XKR5: variants seen among roughly 807,000 people sequenced by gnomAD.
The protein encoded by XKR5 is XK-related protein 5.
In XKR5, 46 loss-of-function variants were observed where a neutral mutation model predicts 40.8. The ratio of observed to expected loss-of-function variants is 1.13; its 90% CI spans 0.89 to 1.44. The LOEUF (loss-of-function observed/expected upper bound fraction) is 1.44. XKR5 is among the 40% of genes most tolerant of loss of function. The pLI, the probability that XKR5 is intolerant of heterozygous loss-of-function variation, is 0.00. For missense variants in XKR5, 1,169 were observed against 844.7 expected (o/e 1.38, Z -4.76); for synonymous variants, 466 against 356.1 (o/e 1.31, Z -3.48).
chr8:6,825,208 C>G lies in XKR5; in HGVS notation c.384G>C (p.Gln128His). The change falls in exon 3 of 7, where the codon CAG (glutamine) becomes CAC (histidine). Residue 128 changes from glutamine to histidine, a missense_variant. Transcript: ENST00000618742. ...LLQTGPHLLL[Q>H]TYVFLASDFT... ...AGTCTGAGGCTAGAAAAACATATGT[C>G]TGAAGCAGCAGGTGGGGCCCAGTCT... is the stretch of plus-strand genomic sequence containing the variant. 1.9e-6 allele frequency: 3 copies of G among 1,613,388 alleles called. No homozygotes were observed. The highest frequency in any genetic ancestry group is 2.5e-6 in the Non-Finnish European group (3 of 1,179,676).
chr8:6,818,176 T>C (rs572125974), intron 5 of XKR5, among the ~76,000 whole-genome samples: 1 of 152,216 alleles, frequency 6.6e-6, no homozygotes. Context: ...CTGTGCGCAC[T>C]CACTTTCCTG....
chr8:6,828,021 A>C (rs566486639), intron 2 of XKR5, among the ~76,000 whole-genome samples: 1 of 152,264 alleles, frequency 6.6e-6, no homozygotes, highest in African/African-American at 2.4e-5. Flanking sequence ...GTGAGCCATA[A>C]TTATGCCACT....
At chr8:6,832,411 A>G (rs1397851349) in intron 2 of XKR5, among the ~76,000 whole-genome samples, 2 of 152,218 alleles carry the variant, frequency 1.3e-5, no homozygotes, top group African/African-American at 2.4e-5. Flanking sequence ...GTTGCTTTAT[A>G]TGGAACTAAC....
intron 4 of XKR5, 86 bp downstream of exon 4, chr8:6,823,435 G>A (rs1804326573): frequency 7.1e-7 from 1 of 1,402,634 alleles, no homozygotes; most frequent in African/African-American, 1.4e-5. Flanking sequence ...TGGGATTGAG[G>A]ATCATATGTG....
rs747973846 is a variant in XKR5, at chr8:6,821,860, G to C, written c.807+9C>G. 8.1e-6 allele frequency: 13 copies of C among 1,611,686 alleles called. No individual in the cohort carries two copies. In the East Asian group the frequency reaches 2.9e-4, roughly 36 times the overall value. On this transcript the variant is annotated intron_variant, in intron 5 of 6. Transcript: ENST00000618742. ...TGTAAAAGTTAGGATAAAGAAAAGT[G>C]CCACTTGCCATGTAGAACGTGACCA... is the stretch of plus-strand genomic sequence containing the variant.
In XKR5 at chr8:6,812,150, TC is replaced by T. The variant is rs763102105; in HGVS notation, c.1108del (p.Glu370AsnfsTer5). The T allele has an allele frequency of 6.4e-7, 1 of 1,551,360 alleles. No homozygotes were observed. The highest frequency in any genetic ancestry group is 1.2e-5 in the South Asian group (1 of 84,054). The stretch of plus-strand genomic sequence containing the variant: ...AGGGGGCTTCCCTAAAATGGTTGGT[TC>T]ATAACTTGCCCCTTGGCATGAGCCT... ...SSGSCQGASY[E>X]PTILGKPPTP... On this transcript the variant is annotated frameshift_variant, in exon 7 of 7. Transcript: ENST00000618742. LOFTEE classifies it low-confidence loss of function (END_TRUNC).
At chr8:6,824,070 A>G (rs1804357932) in intron 3 of XKR5, among the ~76,000 whole-genome samples, 1 of 152,200 alleles carries the variant, frequency 6.6e-6, no homozygotes, top group Non-Finnish European at 1.5e-5. Context: ...TCCTCTGTAT[A>G]TAACAAAGCT....
At chr8:6,825,976 CA>C (rs928022783) in intron 2 of XKR5, among the ~76,000 whole-genome samples, 7 of 152,068 alleles carry the variant, frequency 4.6e-5, no homozygotes, top group African/African-American at 1.4e-4. Context: ...CCCTGAACTT[CA>C]GGCTATGGGG....
intron 5 of XKR5, among the ~76,000 whole-genome samples, chr8:6,818,932 C>G (rs1804091251): frequency 6.6e-6 from 1 of 152,200 alleles, no homozygotes; most frequent in Non-Finnish European, 1.5e-5. Context: ...ATCCCAGTGA[C>G]TCGGGAGGCT....
In XKR5 at chr8:6,835,503, C is replaced by G. The variant is rs1426826017; in HGVS notation, c.-10G>C. 13 of 1,496,388 alleles carry G rather than the reference C, an allele frequency of 8.7e-6. No homozygotes were observed. Among genetic ancestry groups the G allele is most frequent in the Middle Eastern group, 2.1e-4 (1 of 4,772 alleles). The allele number at this position is 1,496,388 out of a possible 1,614,324, so 92.7% of individuals were successfully genotyped here. A position where few individuals can be genotyped will look rare whatever the true frequency, so the allele number is the denominator to read the frequency against. Reference sequence around the variant, plus strand: ...GGAGCCTCGCGTGCATCTTCCGTGCCGACCCCGCAGCCTGCGCCCGCCCCT... The same window carrying G: ...GGAGCCTCGCGTGCATCTTCCGTGCGGACCCCGCAGCCTGCGCCCGCCCCT... On this transcript the variant is annotated 5_prime_UTR_variant, in exon 1 of 7. Transcript: ENST00000618742.
intron 2 of XKR5, among the ~76,000 whole-genome samples, chr8:6,826,009 A>G (rs1479559485): frequency 1.3e-5 from 2 of 152,110 alleles, no homozygotes; most frequent in Non-Finnish European, 1.5e-5. Context: ...CTCTGGAAAA[A>G]TGAATTTGGC....
rs564498467 is a variant in XKR5 at position 6,832,241 on chromosome 8, G to A, written c.242+476C>T. Among the ~76,000 whole-genome samples the A allele has an allele frequency of 1.5e-4, 22 of 151,714 alleles. No individual in the cohort carries two copies. In the East Asian group the frequency reaches 3.3e-3, roughly 23 times the overall value. On this transcript the variant is annotated intron_variant, in intron 2 of 6. Coordinates refer to ENST00000618742, the MANE Select transcript of XKR5 (RefSeq NM_207411.5). ...AGAACTATCCCTGGCTACTTCTTTA[G>A]AGAAAAAACTAGCCCTGGCATCCAA...
At chr8:6,829,209 C>A (rs1455066070) in intron 2 of XKR5, 1 of 169,210 alleles carries the variant, frequency 5.9e-6, no homozygotes, top group South Asian at 2.0e-4. Flanking sequence ...CAACCTTGAA[C>A]TTTCACTAAA....
intron 6 of XKR5, among the ~76,000 whole-genome samples, chr8:6,814,409 G>T (rs562773881): frequency 5.3e-5 from 8 of 152,226 alleles, no homozygotes; most frequent in African/African-American, 7.2e-5. Flanking sequence ...CTTTCACAAC[G>T]CATTCTCCAA....
chr8:6,834,858 G>A (rs1335057616), intron 1 of XKR5, among the ~76,000 whole-genome samples: 2 of 152,140 alleles, frequency 1.3e-5, no homozygotes, highest in African/African-American at 4.8e-5. Context: ...AGGTGGCCTC[G>A]AAGGGCCGCG....
intron 5 of XKR5, among the ~76,000 whole-genome samples, chr8:6,819,035 T>A (rs754514368): frequency 6.6e-6 from 1 of 152,226 alleles, no homozygotes; most frequent in Non-Finnish European, 1.5e-5. Context: ...GGGCAAGCTC[T>A]GTCTCAGAAA....
chr8:6,812,987 C>G (rs1172654406), intron 6 of XKR5, among the ~76,000 whole-genome samples: 2 of 152,244 alleles, frequency 1.3e-5, no homozygotes, highest in Non-Finnish European at 2.9e-5. Context: ...ACAGAGCATT[C>G]CAGTAAGCCT....
At chr8:6,825,393 C>A in intron 2 of XKR5, 44 bp from the exon 3 acceptor site, 2 of 1,468,658 alleles carry the variant, frequency 1.4e-6, no homozygotes, top group Non-Finnish European at 1.8e-6. Flanking sequence ...CAGGCTGTGG[C>A]GAGATTCAAT....
chr8:6,812,557 A>T lies in XKR5; in HGVS notation c.920-218T>A, dbSNP rs9694168. Among the ~76,000 whole-genome samples, 261 of 152,336 alleles carry T rather than the reference A, an allele frequency of 1.7e-3. 1 individual carries two copies. Among genetic ancestry groups the T allele is most frequent in the African/African-American group, 5.9e-3 (244 of 41,570 alleles). Reference sequence around the variant, plus strand: ...ATGTTTCTAAAGTTAAACATGAATAACAAGGCTTAAATCCGATTGATTCTA... The same window carrying T: ...ATGTTTCTAAAGTTAAACATGAATATCAAGGCTTAAATCCGATTGATTCTA... On this transcript the variant is annotated intron_variant, in intron 6 of 6. Coordinates refer to ENST00000618742, the MANE Select transcript of XKR5 (RefSeq NM_207411.5).
Sources: allele counts gnomAD v4.1 joint callset (sites outside exome capture counted in the v4.1 genomes callset), GRCh38; gene constraint gnomAD v4.1.1; transcripts MANE v1.5; gene names NCBI Gene and HGNC (gene_info 2026-07-23, HGNC 2026-07-21).